Variants in AGBL1 observed in about 807,000 individuals in gnomAD.
The protein encoded by AGBL1 is cytosolic carboxypeptidase 4.
In AGBL1, 130 loss-of-function variants were observed where a neutral mutation model predicts 118.9. The observed-to-expected ratio is 1.09, with a 90% CI of 0.95 to 1.26. AGBL1 has a LOEUF of 1.26. AGBL1 is among the 50% of genes most tolerant of loss of function. AGBL1 has a pLI of 0.00. For synonymous variants in AGBL1, 555 were observed against 478.9 expected (o/e 1.16, Z -2.08); for missense variants, 1,584 against 1,298.1 (o/e 1.22, Z -3.38).
intron 15 of AGBL1, among the ~76,000 whole-genome samples, chr15:86,274,230 G>C (rs2079208642): frequency 6.6e-6 from 1 of 151,852 alleles, no homozygotes; most frequent in South Asian, 2.1e-4. Flanking sequence ...TTTTGTTGTG[G>C]AGTTTACCAT....
intron 22 of AGBL1, among the ~76,000 whole-genome samples, chr15:86,843,186 G>A (rs552852838): frequency 6.6e-6 from 1 of 152,298 alleles, no homozygotes; most frequent in Admixed American, 6.5e-5. Flanking sequence ...ATTTACCACA[G>A]CCTGATGCTT....
intron 17 of AGBL1, among the ~76,000 whole-genome samples, chr15:86,362,292 T>C (rs188135955): frequency 7.8e-4 from 119 of 152,366 alleles, no homozygotes; most frequent in African/African-American, 2.5e-3. Flanking sequence ...TTAATACTTT[T>C]GTCTTTTAAC....
At chr15:86,191,917 ACAAAAAAAAC>A (rs1480464902) in intron 5 of AGBL1, among the ~76,000 whole-genome samples, 2 of 146,232 alleles carry the variant, frequency 1.4e-5, no homozygotes, top group African/African-American at 5.3e-5. Context: ...AAAAAAAAAA[ACAAAAAAAAC>A]CAAAAAACAC....
At chr15:86,268,572 G>A (rs1259499229) in intron 13 of AGBL1, among the ~76,000 whole-genome samples, 1 of 152,180 alleles carries the variant, frequency 6.6e-6, no homozygotes, top group Non-Finnish European at 1.5e-5. Context: ...GGGTAATAGA[G>A]TCAAATAGCA....
At chr15:86,212,236 C>T (rs2078111285) in intron 5 of AGBL1, among the ~76,000 whole-genome samples, 1 of 152,152 alleles carries the variant, frequency 6.6e-6, no homozygotes, top group Non-Finnish European at 1.5e-5. Flanking sequence ...TATTTGCTGT[C>T]CTCAAAGAGC....
rs537025569 is a variant in AGBL1 at position 86,851,236 on chromosome 15, T to A, written c.3159-55851T>A. Among the ~76,000 whole-genome samples the A allele has an allele frequency of 1.5e-4, 23 of 152,196 alleles. No individual in the cohort carries two copies. The Middle Eastern group carries it at 0.014, about 90-fold the overall frequency. On this transcript the variant is annotated intron_variant, in intron 22 of 22. Transcript: ENST00000614907. ...CTGCATATAAAGCCCTGGGAGAAAA[T>A]TGAAAGCTGGACCTATGGGTTCTCT...
chr15:86,918,724 G>A (rs963038218), downstream of AGBL1, among the ~76,000 whole-genome samples: 2 of 152,186 alleles, frequency 1.3e-5, no homozygotes, highest in African/African-American at 4.8e-5. Flanking sequence ...GATGGTGGTA[G>A]TTGATGATGT....
chr15:86,685,907 G>T (rs1021981009), intron 22 of AGBL1, among the ~76,000 whole-genome samples: 1 of 151,988 alleles, frequency 6.6e-6, no homozygotes, highest in Non-Finnish European at 1.5e-5. Flanking sequence ...GTTCTTTACC[G>T]AAGAGCTGAC....
chr15:87,028,863 A>G (rs1176730494), exon 25 of AGBL1: 2 of 1,597,840 alleles, frequency 1.3e-6, no homozygotes, highest in Middle Eastern at 1.7e-4. Flanking sequence ...CAAATGAGCA[A>G]GTATTGAAGT....
intron 5 of AGBL1, among the ~76,000 whole-genome samples, chr15:86,165,885 C>T (rs776588404): frequency 2.0e-5 from 3 of 152,172 alleles, no homozygotes; most frequent in Admixed American, 1.3e-4. Context: ...CATCTGCAAC[C>T]TGACTCCAAG....
rs115700909 is a variant in AGBL1, at chr15:87,024,583, C to T, written c.3324-4242C>T. On this transcript the variant is annotated intron_variant, in intron 24 of 24. Transcript: ENST00000441037. The stretch of plus-strand genomic sequence containing the variant: ...ATTCAAAGAAGAATTGCTACCAATC[C>T]GATTGACACTATTTCCCAAGATGGA... Among the ~76,000 whole-genome samples, 634 of 152,040 alleles carry T rather than the reference C, an allele frequency of 4.2e-3. 9 individuals are homozygous for T. The highest frequency in any genetic ancestry group is 0.015 in the African/African-American group (616 of 41,486).
chr15:86,883,258 A>G (rs1364589564), intron 22 of AGBL1, among the ~76,000 whole-genome samples: 1 of 152,244 alleles, frequency 6.6e-6, no homozygotes. Flanking sequence ...AACACAACAT[A>G]AAATGACCTG....
chr15:86,585,117 G>A (rs1041243625), intron 21 of AGBL1, among the ~76,000 whole-genome samples: 6 of 152,150 alleles, frequency 3.9e-5, no homozygotes, highest in Admixed American at 3.9e-4. Flanking sequence ...ATAGAATCAT[G>A]CTGTCTATGA....
chr15:86,714,537 T>G (rs562756173), intron 22 of AGBL1, among the ~76,000 whole-genome samples: 1 of 151,938 alleles, frequency 6.6e-6, no homozygotes, highest in African/African-American at 2.4e-5. Flanking sequence ...CATCATGGAG[T>G]GGTGTGAGGT....
intron 22 of AGBL1, among the ~76,000 whole-genome samples, chr15:86,709,003 G>T (rs1215529379): frequency 1.3e-5 from 2 of 152,104 alleles, no homozygotes; most frequent in Non-Finnish European, 2.9e-5. Flanking sequence ...TTCAAAATCT[G>T]AGCCCACTTA....
At chr15:86,337,392 T>G (rs1259893839) in intron 17 of AGBL1, among the ~76,000 whole-genome samples, 2 of 152,134 alleles carry the variant, frequency 1.3e-5, no homozygotes, top group Non-Finnish European at 1.5e-5. Context: ...GGTAGAAAGA[T>G]GCATGCAGAA....
intron 17 of AGBL1, among the ~76,000 whole-genome samples, chr15:86,315,907 G>A (rs1020263886): frequency 1.5e-4 from 23 of 152,116 alleles, no homozygotes; most frequent in African/African-American, 5.1e-4. Flanking sequence ...AAATACCAGA[G>A]GGGAGGAAAT....
rs190666485 is a variant in AGBL1 at position 86,256,981 on chromosome 15, G to A, written c.864G>A (p.Gly288=). 1,136 of 1,613,900 alleles carry A rather than the reference G, an allele frequency of 7.0e-4. 3 individuals carry two copies. The highest frequency in any genetic ancestry group is 2.0e-3 in the Middle Eastern group (12 of 6,062). Residue 288 remains glycine, a synonymous_variant, in exon 8 of 23, where the codon GGG becomes GGA. Transcript: ENST00000614907. ...GTGCCTATGCCTTCCCGGTCCCCGG[G>A]TGCATCACCACTGAACCTCCACATG... ...ASSAYAFPVP[G]CITTEPPHDL... is the part of the protein sequence containing the mutation.
intron 5 of AGBL1, among the ~76,000 whole-genome samples, chr15:86,161,568 T>C (rs1469423391): frequency 1.3e-5 from 2 of 152,226 alleles, no homozygotes; most frequent in African/African-American, 4.8e-5. Flanking sequence ...AACCATCATA[T>C]GTAAGACGAT....
Sources: gnomAD v4.1 joint callset for allele counts (sites outside exome capture counted in the v4.1 genomes callset) on GRCh38, gnomAD v4.1.1 for gene constraint, MANE v1.5 for transcripts, NCBI Gene and HGNC (gene_info 2026-07-23, HGNC 2026-07-21) for gene names.